The following ARFGEF1 variants were observed in gnomAD, a reference collection of about 807,000 sequenced individuals.
ARFGEF1 encodes brefeldin A-inhibited guanine nucleotide-exchange protein 1.
ARFGEF1 carries 42 observed loss-of-function variants against 231.0 expected under a neutral mutation model. The observed-to-expected ratio is 0.18, with a 90% CI of 0.14 to 0.24. ARFGEF1 has a LOEUF of 0.24. Ranked by LOEUF, ARFGEF1 falls within the 10% of genes least tolerant of loss-of-function variation. ARFGEF1 has a pLI of 1.00. For missense variants in ARFGEF1, 1,345 were observed against 2,192.0 expected, an observed-to-expected ratio of 0.61 and a Z score of 7.72; for synonymous variants, 710 against 732.3, an observed-to-expected ratio of 0.97 and a Z score of 0.49.
intron 18 of ARFGEF1, 45 bp downstream of exon 18, chr8:67,253,406 T>C: frequency 2.2e-6 from 3 of 1,384,498 alleles, no homozygotes; most frequent in Non-Finnish European, 3.0e-6. Context: ...GGAACCCATA[T>C]TTTTCCCCTT....
At chr8:67,206,410 TAAAAAAAAAA>T (rs747164390) in intron 34 of ARFGEF1, among the ~76,000 whole-genome samples, 2 of 102,046 alleles carry the variant, frequency 2.0e-5, no homozygotes, top group African/African-American at 3.9e-5. Flanking sequence ...ATTTTATCTT[TAAAAAAAAAA>T]AAAAAAAAAA....
intron 1 of ARFGEF1, among the ~76,000 whole-genome samples, chr8:67,306,794 T>A (rs910178825): frequency 6.6e-6 from 1 of 152,228 alleles, no homozygotes; most frequent in African/African-American, 2.4e-5. Flanking sequence ...TTTCCTTTTT[T>A]TCAGACAGAG....
At chr8:67,211,320 T>C (rs1201046215) in intron 34 of ARFGEF1, among the ~76,000 whole-genome samples, 163 bp downstream of exon 34, 18 of 124,174 alleles carry the variant, frequency 1.4e-4, no homozygotes, top group Non-Finnish European at 2.8e-4. Flanking sequence ...TACTCCAGAC[T>C]GGGCGACAGA....
chr8:67,279,543 CCT>C (rs899982773), intron 7 of ARFGEF1, among the ~76,000 whole-genome samples: 1 of 152,140 alleles, frequency 6.6e-6, no homozygotes, highest in African/African-American at 2.4e-5. Flanking sequence ...CATTTTCTTC[CCT>C]CTTTTTATTA....
At chr8:67,296,012 GCC>G (rs1222023608) in intron 5 of ARFGEF1, among the ~76,000 whole-genome samples, 2 of 152,092 alleles carry the variant, frequency 1.3e-5, no homozygotes, top group Non-Finnish European at 2.9e-5. Context: ...GGAATATCAT[GCC>G]CCTTTATCAT....
intron 1 of ARFGEF1, among the ~76,000 whole-genome samples, chr8:67,305,800 C>T (rs1284203108): frequency 6.6e-6 from 1 of 152,162 alleles, no homozygotes; most frequent in Admixed American, 6.5e-5. Flanking sequence ...ATTCCAAGAC[C>T]TCAGCGGATG....
intron 29 of ARFGEF1, among the ~76,000 whole-genome samples, chr8:67,223,820 AG>A (rs1457095566): frequency 1.3e-5 from 2 of 152,166 alleles, no homozygotes; most frequent in Non-Finnish European, 2.9e-5. Flanking sequence ...CCACTGAGGC[AG>A]GTGGACAGCT....
intron 35 of ARFGEF1, among the ~76,000 whole-genome samples, chr8:67,203,958 C>T (rs1333329094): frequency 1.3e-5 from 2 of 152,230 alleles, no homozygotes; most frequent in Admixed American, 6.5e-5. Flanking sequence ...ACTATCTCCA[C>T]TCACTCAAAA....
At chr8:67,287,850 C>A in intron 7 of ARFGEF1, 105 bp downstream of exon 7, 1 of 728,830 alleles carries the variant, frequency 1.4e-6, no homozygotes, top group East Asian at 3.1e-5. Flanking sequence ...TTGGTTGGCT[C>A]CAAACGTTTT....
Position 67,227,962 on chromosome 8 carries a change from C to T in ARFGEF1, c.3591+1G>A. ...AACAAACACCATAGTTATTCAAATA[C>T]CTTATTAAAATGATCTCCAATAACT... is the stretch of plus-strand genomic sequence containing the variant. On this transcript the variant is annotated splice_donor_variant, in intron 25 of 38. Transcript: ENST00000262215. LOFTEE classifies it high-confidence loss of function. The T allele has an allele frequency of 6.4e-7, 1 of 1,559,132 alleles. No individual in the cohort carries two copies. The highest frequency in any genetic ancestry group is 8.6e-7 in the Non-Finnish European group (1 of 1,161,774).
intron 18 of ARFGEF1, 68 bp downstream of exon 18, chr8:67,253,383 T>TG: frequency 8.5e-7 from 1 of 1,181,380 alleles, no homozygotes; most frequent in Non-Finnish European, 1.2e-6. Flanking sequence ...TGACCATAAG[T>TG]GAAAAACTCT....
chr8:67,218,039 C>T lies in ARFGEF1; in HGVS notation c.4438G>A (p.Asp1480Asn). 1 of 1,611,988 alleles carries T rather than the reference C, an allele frequency of 6.2e-7. No individual in the cohort carries two copies. Among genetic ancestry groups the T allele is most frequent in the Non-Finnish European group, 8.5e-7 (1 of 1,179,092 alleles). ...CACCAGTAGAGCTGAGCAAAAATGT[C>T]ATCCAAAAGTACATCACTGAGTACT... ...LEVLSDVLLD[D>N]IFAQLYWCVQ... is the part of the protein sequence containing the mutation. The change falls in exon 31 of 39, where the codon GAC (aspartate) becomes AAC (asparagine). Residue 1480 changes from aspartate to asparagine, a missense_variant. By Grantham distance (23) the Asp-to-Asn change is conservative. Coordinates refer to ENST00000262215, the MANE Select transcript of ARFGEF1 (RefSeq NM_006421.5).
intron 5 of ARFGEF1, among the ~76,000 whole-genome samples, chr8:67,294,323 A>G (rs761994062): frequency 7.2e-5 from 11 of 152,186 alleles, no homozygotes; most frequent in Non-Finnish European, 1.3e-4. Flanking sequence ...TGTGACGAAT[A>G]CCAAAAATGA....
Position 67,292,125 on chromosome 8 carries a change from T to A in ARFGEF1, c.640-2A>T. On this transcript the variant is annotated splice_acceptor_variant, in intron 5 of 38. Coordinates refer to ENST00000262215, the MANE Select transcript of ARFGEF1 (RefSeq NM_006421.5). LOFTEE classifies it high-confidence loss of function. ...TTCCATTTGTTTTGCTTCCTGTAAC[T>A]GGAAATAAATAAAATTTCCAATATT... is the stretch of plus-strand genomic sequence containing the variant. 1 of 1,604,472 alleles carries A rather than the reference T, an allele frequency of 6.2e-7. No individual in the cohort carries two copies. The highest frequency in any genetic ancestry group is 8.5e-7 in the Non-Finnish European group (1 of 1,176,416).
chr8:67,251,444 G>C lies in ARFGEF1; in HGVS notation c.2705C>G (p.Ala902Gly). The C allele has an allele frequency of 6.3e-7, 1 of 1,598,588 alleles. No individual in the cohort carries two copies. The highest frequency in any genetic ancestry group is 8.5e-7 in the Non-Finnish European group (1 of 1,173,510). Residue 902 changes from alanine to glycine, a missense_variant, in exon 19 of 39, where the codon GCC becomes GGC. Around this residue, in one of 14 missense-constraint regions of ARFGEF1, gnomAD observed 23 missense variants for 21.6 expected, o/e 1.07. Transcript: ENST00000262215. ...CAGAAGTCTTCTTTGTTTTTCACTG[G>C]CTACATCTGAAACAATAAACACTAT... The part of the protein sequence containing the change: ...IPTKSSKQNV[A>G]SEKQRRLLYN...
chr8:67,216,477 A>AT (rs1476448893), intron 33 of ARFGEF1, 113 bp downstream of exon 33: 7 of 976,196 alleles, frequency 7.2e-6, no homozygotes, highest in Non-Finnish European at 1.0e-5. Flanking sequence ...AGTCTCAGAT[A>AT]TTTTTTTAAT....
chr8:67,317,802 G>A (rs1019379346), intron 1 of ARFGEF1, among the ~76,000 whole-genome samples: 5 of 144,986 alleles, frequency 3.4e-5, no homozygotes, highest in African/African-American at 1.3e-4. Context: ...GGGAGGCTGA[G>A]GCACAAGAAT....
chr8:67,285,569 A>G (rs1220003040), intron 7 of ARFGEF1, among the ~76,000 whole-genome samples: 1 of 152,130 alleles, frequency 6.6e-6, no homozygotes, highest in Non-Finnish European at 1.5e-5. Context: ...ATCATCTCCA[A>G]GTATCAAAGT....
At chr8:67,194,997 G>A (rs370106104), downstream of ARFGEF1, among the ~76,000 whole-genome samples, 1 of 152,026 alleles carries the variant, frequency 6.6e-6, no homozygotes, top group Non-Finnish European at 1.5e-5. Flanking sequence ...AAAGAAAAAA[G>A]AAAGAAATTT....
Sources: allele counts gnomAD v4.1 joint callset (sites outside exome capture counted in the v4.1 genomes callset), GRCh38; gene constraint gnomAD v4.1.1; regional missense constraint gnomAD v4.1.1; transcripts MANE v1.5; gene names NCBI Gene and HGNC (gene_info 2026-07-23, HGNC 2026-07-21).